The following ICOS variants were observed in gnomAD, a reference collection of about 807,000 sequenced individuals.
ICOS encodes the protein inducible T-cell costimulator.
A neutral mutation model predicts 24.6 loss-of-function variants in ICOS; 15 were observed. The ratio of observed to expected loss-of-function variants is 0.61; its 90% confidence interval spans 0.41 to 0.94. The LOEUF (loss-of-function observed/expected upper bound fraction) is 0.94. Ranked by LOEUF, ICOS falls within the 40% of genes least tolerant of loss-of-function variation. ICOS has a pLI of 0.00. For missense variants in ICOS, 200 were observed against 233.0 expected, an observed-to-expected ratio of 0.86 and a Z score of 0.92; for synonymous variants, 89 against 77.5, an observed-to-expected ratio of 1.15 and a Z score of -0.78.
chr2:203,941,471 ATTT>A (rs553759799), intron 1 of ICOS, among the ~76,000 whole-genome samples: 52 of 152,342 alleles, frequency 3.4e-4, no homozygotes, highest in African/African-American at 1.2e-3. Flanking sequence ...TCATAGCATT[ATTT>A]GGCTTAAAAA....
At chr2:203,942,955 C>G (rs549358374) in intron 1 of ICOS, among the ~76,000 whole-genome samples, 1 of 152,286 alleles carries the variant, frequency 6.6e-6, no homozygotes, top group South Asian at 2.1e-4. Context: ...CTGAGACTTT[C>G]CAGAGCATTT....
chr2:203,953,232 A>G (rs1477942735), intron 1 of ICOS, among the ~76,000 whole-genome samples: 3 of 152,146 alleles, frequency 2.0e-5, no homozygotes, highest in Non-Finnish European at 4.4e-5. Context: ...TGAGACATAA[A>G]AACAAAAGTT....
At chr2:203,950,121 C>T (rs1374007933) in intron 1 of ICOS, among the ~76,000 whole-genome samples, 1 of 152,116 alleles carries the variant, frequency 6.6e-6, no homozygotes, top group Non-Finnish European at 1.5e-5. Context: ...CACTGAATAC[C>T]GGAGACTGGG....
intron 1 of ICOS, among the ~76,000 whole-genome samples, chr2:203,948,878 G>A (rs1357818833): frequency 6.6e-6 from 1 of 152,186 alleles, no homozygotes; most frequent in Non-Finnish European, 1.5e-5. Context: ...TTGTGTGTTT[G>A]AGGAACAGAA....
At chr2:203,952,707 T>C (rs540635198) in intron 1 of ICOS, among the ~76,000 whole-genome samples, 1 of 152,286 alleles carries the variant, frequency 6.6e-6, no homozygotes, top group South Asian at 2.1e-4. Context: ...GTAGGTTCTT[T>C]TTCAAATTAG....
intron 1 of ICOS, among the ~76,000 whole-genome samples, chr2:203,937,171 T>C (rs1029374687): frequency 6.6e-6 from 1 of 152,168 alleles, no homozygotes; most frequent in African/African-American, 2.4e-5. Flanking sequence ...AGTGGCTTAC[T>C]GTTCTTAGAG....
chr2:203,941,028 C>CCCACCTCCGCCT (rs1553497933), intron 1 of ICOS, among the ~76,000 whole-genome samples: 7 of 149,856 alleles, frequency 4.7e-5, no homozygotes, highest in Non-Finnish European at 9.0e-5. Context: ...TCGTGATCCG[C>CCCACCTCCGCCT]CCACCTCCGC....
At chr2:203,941,371 G>C in intron 1 of ICOS, among the ~76,000 whole-genome samples, 1 of 152,128 alleles carries the variant, frequency 6.6e-6, no homozygotes, top group Middle Eastern at 3.4e-3. Context: ...TCAGTTTTAA[G>C]TTACTAGTAG....
intron 1 of ICOS, among the ~76,000 whole-genome samples, chr2:203,953,101 T>C (rs1451066365): frequency 1.3e-5 from 2 of 152,310 alleles, no homozygotes; most frequent in Non-Finnish European, 2.9e-5. Context: ...CTGGACCATC[T>C]AATCTGAATG....
At chr2:203,936,928 A>C in intron 1 of ICOS, 56 bp downstream of exon 1, 1 of 1,357,904 alleles carries the variant, frequency 7.4e-7, no homozygotes, top group South Asian at 1.2e-5. Context: ...AACATTAAGA[A>C]AAAGCAAAGG....
chr2:203,959,807 A>G lies in ICOS; in HGVS notation c.*208A>G. The G allele has an allele frequency of 1.6e-6, 1 of 635,666 alleles. No individual in the cohort carries two copies. Among genetic ancestry groups the G allele is most frequent in the Admixed American group, 2.3e-5 (1 of 43,242 alleles). The allele number at this position is 635,666 out of a possible 1,614,324, so 39.4% of individuals were successfully genotyped here. A position where few individuals can be genotyped will look rare whatever the true frequency, so the allele number is the denominator to read the frequency against. On this transcript the variant is annotated 3_prime_UTR_variant, in exon 5 of 5. Coordinates refer to ENST00000316386, the MANE Select transcript of ICOS (RefSeq NM_012092.4). ...GGTACTGCCGAGTCCTCTCAAAACA[A>G]ACACCCTCTTGCAACCAGCTTTGGA...
chr2:203,947,147 C>T (rs565783957), intron 1 of ICOS, among the ~76,000 whole-genome samples: 20 of 152,112 alleles, frequency 1.3e-4, no homozygotes, highest in African/African-American at 4.8e-4. Context: ...AGGTGAATGA[C>T]CTTTTCTTCA....
chr2:203,942,164 GA>G (rs1689788854), intron 1 of ICOS, among the ~76,000 whole-genome samples: 1 of 152,082 alleles, frequency 6.6e-6, no homozygotes, highest in Non-Finnish European at 1.5e-5. Flanking sequence ...TTGATAAATA[GA>G]TTTTTTTTAC....
Position 203,960,691 on chromosome 2 carries a change from C to G in ICOS, c.*1092C>G, listed in dbSNP as rs906951696. ...TACTATAGGTTGCTGTCAGACTATA[C>G]CCATGGTGCCTCTGGGCTTGACAGG... On this transcript the variant is annotated 3_prime_UTR_variant, in exon 5 of 5. Coordinates refer to ENST00000316386, the MANE Select transcript of ICOS (RefSeq NM_012092.4). The G allele has an allele frequency of 1.3e-5, 2 of 152,302 alleles. No individual in the cohort carries two copies. The highest frequency in any genetic ancestry group is 6.5e-5 in the Admixed American group (1 of 15,298). 9.4% of individuals were successfully genotyped at this position (152,302 alleles called of 1,614,324 possible).
chr2:203,956,770 G>C lies in ICOS; in HGVS notation c.501+5G>C. 6.4e-7 allele frequency: 1 copy of C among 1,574,304 alleles called. No homozygotes were observed. Among genetic ancestry groups the C allele is most frequent in the Non-Finnish European group, 8.7e-7 (1 of 1,143,922 alleles). On this transcript the variant is annotated splice_donor_5th_base_variant and intron_variant, in intron 3 of 4. Transcript: ENST00000316386. ...ATTTGTTGGCTTACAAAAAAGGTAA[G>C]CGATTTCTATCTTTCCTTGTATCTG...
chr2:203,955,610 G>A (rs370808791), intron 1 of ICOS, 26 bp from the exon 2 acceptor site: 1 of 1,559,996 alleles, frequency 6.4e-7, no homozygotes, highest in Non-Finnish European at 8.8e-7. Context: ...TGTCACTTTT[G>A]CTTTGTTTTC....
In ICOS at chr2:203,957,825, T is replaced by TAACGGTGAATACATGTTCATGAG. The variant is rs758279746; in HGVS notation, c.530_552dup (p.Ala185ThrfsTer7). ...AGTATTCATCCAGTGTGCACGACCC[T>TAACGGTGAATACATGTTCATGAG]AACGGTGAATACATGTTCATGAGAG... On this transcript the variant is annotated frameshift_variant, in exon 4 of 5. Transcript: ENST00000316386. LOFTEE classifies it high-confidence loss of function. 1 of 1,613,280 alleles carries TAACGGTGAATACATGTTCATGAG rather than the reference T, an allele frequency of 6.2e-7. No homozygotes were observed. Among genetic ancestry groups the TAACGGTGAATACATGTTCATGAG allele is most frequent in the Admixed American group, 1.7e-5 (1 of 60,006 alleles).
rs370758705 is a variant in ICOS at position 203,959,602 on chromosome 2, T to G, written c.*3T>G. On this transcript the variant is annotated 3_prime_UTR_variant, in exon 5 of 5. Coordinates refer to ENST00000316386, the MANE Select transcript of ICOS (RefSeq NM_012092.4). ...TTGTTACAGATGTGACCCTATAATA[T>G]GGAACTCTGGCACCCAGGCATGAAG... 1 of 1,612,910 alleles carries G rather than the reference T, an allele frequency of 6.2e-7. No individual in the cohort carries two copies.
At position 203,959,455 on chromosome 2, in the gene ICOS, A is replaced by AGTGTGT. The variant is rs34098976; in HGVS notation, c.587-113_587-108dup. 0.012 allele frequency: 8,638 copies of AGTGTGT among 718,352 alleles called. 342 individuals carry two copies. In the African/African-American group the frequency reaches 0.13, roughly 10 times the overall value. 44.5% of individuals were successfully genotyped at this position (718,352 alleles called of 1,614,324 possible). On this transcript the variant is annotated intron_variant, in intron 4 of 4. Coordinates refer to ENST00000316386, the MANE Select transcript of ICOS (RefSeq NM_012092.4). ...GATGAGTTTGCATGGTGTGTGTGTGAGTGTGTGTGTGTGTGTGTGTGTGCA... is the reference window on the plus strand; with the variant it reads ...GATGAGTTTGCATGGTGTGTGTGTGAGTGTGTGTGTGTGTGTGTGTGTGTGTGTGCA...
Sources: allele counts gnomAD v4.1 joint callset (sites outside exome capture counted in the v4.1 genomes callset), GRCh38; gene constraint gnomAD v4.1.1; transcripts MANE v1.5; gene names NCBI Gene and HGNC (gene_info 2026-07-23, HGNC 2026-07-21).